KRTAP9-6: variants seen among roughly 807,000 people sequenced by gnomAD.
The protein encoded by KRTAP9-6 is keratin-associated protein 9-6.
KRTAP9-6 carries 5 observed loss-of-function variants against 11.3 expected under a neutral mutation model. The ratio of observed to expected loss-of-function variants is 0.44; its 90% confidence interval spans 0.23 to 0.93. KRTAP9-6 has a LOEUF of 0.93. KRTAP9-6 is among the 40% of genes least tolerant of loss of function. KRTAP9-6 has a pLI of 0.23. For synonymous variants in KRTAP9-6, 37 were observed against 57.8 expected, an observed-to-expected ratio of 0.64 and a Z score of 1.63; for missense variants, 81 against 159.6, an observed-to-expected ratio of 0.51 and a Z score of 2.65.
rs1301883053 is a variant in KRTAP9-6, at chr17:41,265,843, C to A, written c.466C>A (p.Gln156Lys). The A allele has an allele frequency of 3.2e-5, 24 of 741,422 alleles. 10 individuals carry two copies. The Admixed American group carries it at 1.2e-3, about 36-fold the overall frequency. The allele number at this position is 741,422 out of a possible 1,614,324, so 45.9% of individuals were successfully genotyped here. The change falls in exon 1 of 1, where the codon CAG (glutamine) becomes AAG (lysine). Residue 156 changes from glutamine to lysine, a missense_variant. Physicochemically the swap from Gln to Lys is moderately conservative, Grantham distance 53. Around this residue, in one of 2 missense-constraint regions of KRTAP9-6, gnomAD observed 34 missense variants for 99.4 expected, o/e 0.34. Coordinates refer to ENST00000391355, the Ensembl canonical transcript of KRTAP9-6. ...AGCCTGCTGTGTGTCCAGCTGCTGC[C>A]AGCATTCTTGTTGCTGAGCAGCACC...
chr17:41,265,497 C>T (rs755235363), exon 1 of KRTAP9-6: 6 of 1,588,778 alleles, frequency 3.8e-6, no homozygotes, highest in East Asian at 2.2e-5. Context: ...GCTGCCAGCC[C>T]TCCTGCTGTG....
chr17:41,265,635 C>T (rs764350153), exon 1 of KRTAP9-6: 2 of 1,484,180 alleles, frequency 1.3e-6, no homozygotes, highest in African/African-American at 3.2e-5. Context: ...CACCCTGCTA[C>T]CAGCCCATCT....
chr17:41,265,590 T>C, exon 1 of KRTAP9-6: 2 of 1,583,602 alleles, frequency 1.3e-6, no homozygotes, highest in Non-Finnish European at 1.7e-6. Flanking sequence ...AGCCCACCTG[T>C]GTGACCAGCT....
At chr17:41,265,582 C>A (rs757793917) in exon 1 of KRTAP9-6, 1 of 1,589,862 alleles carries the variant, frequency 6.3e-7, no homozygotes, top group Admixed American at 1.8e-5. Flanking sequence ...CTGCTGCCAG[C>A]CCACCTGTGT....
Position 41,265,672 on chromosome 17 carries a change from A to C in KRTAP9-6, c.295A>C (p.Thr99Pro). The change falls in exon 1 of 1, where the codon ACC becomes CCC. Residue 99 changes from threonine (T) to proline (P), a missense_variant. Transcript: ENST00000391355. ...CTGTGGGTCCAGCTGCTGTGGCCAA[A>C]CCAGCTGTGGGTCCAGCTGTGGCCA... The C allele has an allele frequency of 1.8e-6, 2 of 1,115,634 alleles. 1 individual carries two copies. The highest frequency in any genetic ancestry group is 3.2e-5 in the South Asian group (2 of 62,328). The allele number at this position is 1,115,634 out of a possible 1,614,324, so 69.1% of individuals were successfully genotyped here.
exon 1 of KRTAP9-6, chr17:41,265,379 T>G: frequency 1.9e-6 from 3 of 1,611,006 alleles, no homozygotes; most frequent in Non-Finnish European, 1.7e-6. Flanking sequence ...CCTGACAACA[T>G]GACCCACTGT....
chr17:41,265,421 G>C lies in KRTAP9-6; in HGVS notation c.44G>C (p.Arg15Thr), dbSNP rs1189689943. Residue 15 changes from arginine (R) to threonine (T), a missense_variant, in exon 1 of 1, where the codon AGG becomes ACG. Coordinates refer to ENST00000391355, the Ensembl canonical transcript of KRTAP9-6. Reference sequence around the variant, plus strand: ...CCTGGCTGTCAGCCTACCTGCTGCAGGACCACTTGCTGCAGGACTACCTGC... The same window carrying C: ...CCTGGCTGTCAGCCTACCTGCTGCACGACCACTTGCTGCAGGACTACCTGC... 4 of 1,612,380 alleles carry C rather than the reference G, an allele frequency of 2.5e-6. No individual in the cohort carries two copies. The African/African-American group carries it at 5.3e-5, about 22-fold the overall frequency.
exon 1 of KRTAP9-6, chr17:41,265,460 T>C (rs201792651): frequency 1.1e-5 from 18 of 1,612,062 alleles, no homozygotes; most frequent in African/African-American, 4.0e-5. Context: ...CAGCCCACCA[T>C]TGTGACCACC....
chr17:41,265,511 C>G (rs751543387), exon 1 of KRTAP9-6: 1 of 1,579,372 alleles, frequency 6.3e-7, no homozygotes. Flanking sequence ...TGCTGTGTGT[C>G]CAGCTGCTGC....
exon 1 of KRTAP9-6, chr17:41,265,538 C>A: frequency 1.3e-6 from 2 of 1,571,532 alleles, no homozygotes; most frequent in Non-Finnish European, 1.7e-6. Context: ...TACTGCCACC[C>A]AACTTGCTGT....
At chr17:41,265,643 TCTGCTGTGGGTCCAG>T (rs1568097963) in exon 1 of KRTAP9-6, 4 of 1,471,150 alleles carry the variant, frequency 2.7e-6, no homozygotes, top group South Asian at 2.5e-5. Context: ...TACCAGCCCA[TCTGCTGTGGGTCCAG>T]CTGCTGTGGC....
exon 1 of KRTAP9-6, chr17:41,265,414 T>C: frequency 6.2e-7 from 1 of 1,612,250 alleles, no homozygotes; most frequent in Non-Finnish European, 8.5e-7. Flanking sequence ...TCAGCCTACC[T>C]GCTGCAGGAC....
rs747608080 is a variant in KRTAP9-6 at position 41,265,505 on chromosome 17, G to C, written c.128G>C (p.Cys43Ser). Reference sequence around the variant, plus strand: ...ACACCCTGCTGCCAGCCCTCCTGCTGTGTGTCCAGCTGCTGCCAGCCTTAC... The same window carrying C: ...ACACCCTGCTGCCAGCCCTCCTGCTCTGTGTCCAGCTGCTGCCAGCCTTAC... Residue 43 changes from cysteine to serine, a missense_variant, in exon 1 of 1, where the codon TGT (cysteine) becomes TCT (serine). Physicochemically the swap from Cys to Ser is moderately radical, Grantham distance 112 (BLOSUM62 -1). Transcript: ENST00000391355. The C allele has an allele frequency of 9.4e-6, 15 of 1,587,420 alleles. No individual in the cohort carries two copies. In the South Asian group the frequency reaches 1.5e-4, roughly 15 times the overall value.
exon 1 of KRTAP9-6, chr17:41,265,483 C>G (rs766538988): frequency 6.2e-7 from 1 of 1,612,374 alleles, no homozygotes; most frequent in African/African-American, 1.3e-5. Context: ...CAGCAGCACA[C>G]CCTGCTGCCA....
exon 1 of KRTAP9-6, chr17:41,265,490 G>C (rs1449529986): frequency 6.2e-7 from 1 of 1,612,268 alleles, no homozygotes; most frequent in Non-Finnish European, 8.5e-7. Context: ...ACACCCTGCT[G>C]CCAGCCCTCC....
chr17:41,265,472 G>T, exon 1 of KRTAP9-6: 1 of 1,612,742 alleles, frequency 6.2e-7, no homozygotes, highest in Non-Finnish European at 8.5e-7. Flanking sequence ...GTGACCACCT[G>T]CAGCAGCACA....
chr17:41,265,435 A>G, exon 1 of KRTAP9-6: 1 of 1,612,148 alleles, frequency 6.2e-7, no homozygotes, highest in Non-Finnish European at 8.5e-7. Flanking sequence ...CACTTGCTGC[A>G]GGACTACCTG....
At chr17:41,265,524 G>T in exon 1 of KRTAP9-6, 1 of 1,575,532 alleles carries the variant, frequency 6.3e-7, no homozygotes, top group Admixed American at 1.8e-5. Flanking sequence ...GCTGCTGCCA[G>T]CCTTACTGCC....
At chr17:41,265,461 T>C (rs762690967) in exon 1 of KRTAP9-6, 8 of 1,612,628 alleles carry the variant, frequency 5.0e-6, no homozygotes, top group Non-Finnish European at 6.8e-6. Flanking sequence ...AGCCCACCAT[T>C]GTGACCACCT....
Sources: gnomAD v4.1 joint callset for allele counts on GRCh38, gnomAD v4.1.1 for gene constraint, gnomAD v4.1.1 regional missense constraint, MANE v1.5 for transcripts, NCBI Gene and HGNC (gene_info 2026-07-23, HGNC 2026-07-21) for gene names.